Variants in MMP16 observed in about 807,000 individuals in gnomAD.
MMP16 encodes matrix metallopeptidase 16, also known as matrix metalloproteinase-16.
Under a neutral mutation model 67.8 loss-of-function variants are expected in MMP16, and 12 were observed. That is an observed-to-expected ratio of 0.18 (90% CI 0.11 to 0.29). The LOEUF (loss-of-function observed/expected upper bound fraction) is 0.29, where lower values mean the gene tolerates loss of function less well. Among genes scored for constraint, MMP16 ranks in the 10% least tolerant of loss-of-function variants. The pLI is 1.00. For missense variants in MMP16, 475 were observed against 765.7 expected, an observed-to-expected ratio of 0.62 and a Z score of 4.48; for synonymous variants, 249 against 255.9, an observed-to-expected ratio of 0.97 and a Z score of 0.26.
In MMP16 at chr8:88,102,998, C is replaced by T. The variant is rs186317310; in HGVS notation, c.1083+13509G>A. Among the ~76,000 whole-genome samples, 15 of 151,876 alleles carry T rather than the reference C, an allele frequency of 9.9e-5. 1 individual carries two copies. The highest frequency in any genetic ancestry group is 3.1e-4 in the African/African-American group (13 of 41,498). On this transcript the variant is annotated intron_variant, in intron 6 of 9. Coordinates refer to ENST00000286614, the MANE Select transcript of MMP16 (RefSeq NM_005941.5). ...CTATTCTGTTGGCCAGTTAACCTGG[C>T]CAGTGGAATAAAGCTTCAAGTTCCC... is the stretch of plus-strand genomic sequence containing the variant.
intron 1 of MMP16, among the ~76,000 whole-genome samples, chr8:88,295,489 C>T (rs1810997490): frequency 6.6e-6 from 1 of 152,100 alleles, no homozygotes; most frequent in African/African-American, 2.4e-5. Context: ...TTGGACACAG[C>T]CCAATAAAAT....
intron 6 of MMP16, among the ~76,000 whole-genome samples, chr8:88,112,041 T>C (rs1809346224): frequency 6.6e-6 from 1 of 151,776 alleles, no homozygotes; most frequent in East Asian, 1.9e-4. Flanking sequence ...TCTTCTAGAT[T>C]AACTGGAAAG....
chr8:88,215,750 T>C (rs769158816), intron 1 of MMP16, among the ~76,000 whole-genome samples: 1 of 152,184 alleles, frequency 6.6e-6, no homozygotes, highest in Non-Finnish European at 1.5e-5. Flanking sequence ...TAGTTTTTCT[T>C]AACTGCCCCT....
intron 3 of MMP16, 154 bp downstream of exon 3, chr8:88,186,322 C>T: frequency 2.2e-6 from 2 of 924,324 alleles, no homozygotes; most frequent in African/African-American, 1.7e-5. Context: ...GAACAATTTA[C>T]TCTCCTCTCA....
intron 1 of MMP16, among the ~76,000 whole-genome samples, chr8:88,213,112 T>C (rs1201347379): frequency 1.3e-5 from 2 of 152,158 alleles, no homozygotes; most frequent in African/African-American, 4.8e-5. Flanking sequence ...CAATGCATGC[T>C]AAATGGATTT....
intron 1 of MMP16, among the ~76,000 whole-genome samples, chr8:88,213,883 C>T (rs1809548963): frequency 6.6e-6 from 1 of 152,142 alleles, no homozygotes; most frequent in African/African-American, 2.4e-5. Flanking sequence ...TCCTTCCCAT[C>T]CCTCAAAAAC....
chr8:88,272,396 C>G (rs539211471), intron 1 of MMP16, among the ~76,000 whole-genome samples: 1 of 152,012 alleles, frequency 6.6e-6, no homozygotes, highest in Non-Finnish European at 1.5e-5. Context: ...TGTGCTATAA[C>G]AGAATCCAGT....
intron 1 of MMP16, among the ~76,000 whole-genome samples, chr8:88,206,339 A>T (rs1354039336): frequency 1.3e-5 from 2 of 151,408 alleles, no homozygotes; most frequent in Admixed American, 6.6e-5. Flanking sequence ...TGATGATGAT[A>T]AAAAAAAATA....
intron 1 of MMP16, among the ~76,000 whole-genome samples, chr8:88,236,104 A>G (rs1809936139): frequency 6.6e-6 from 1 of 152,208 alleles, no homozygotes; most frequent in Admixed American, 6.5e-5. Flanking sequence ...CAGGAGTTTC[A>G]TAAAGTGGAA....
chr8:88,286,470 A>G (rs1251733005), intron 1 of MMP16, among the ~76,000 whole-genome samples: 4 of 152,072 alleles, frequency 2.6e-5, no homozygotes, highest in Non-Finnish European at 5.9e-5. Flanking sequence ...CTCAAACTCC[A>G]TATGTTCCAA....
intron 3 of MMP16, among the ~76,000 whole-genome samples, chr8:88,178,194 G>A (rs1456851119): frequency 6.6e-6 from 1 of 152,128 alleles, no homozygotes; most frequent in Non-Finnish European, 1.5e-5. Context: ...CAAAAGGGAA[G>A]AGAAAACAGA....
intron 6 of MMP16, among the ~76,000 whole-genome samples, chr8:88,075,535 CCAAAAA>C (rs1808632924): frequency 6.6e-6 from 1 of 151,762 alleles, no homozygotes; most frequent in Non-Finnish European, 1.5e-5. Context: ...GCAAAAAAAC[CCAAAAA>C]CAAAAACAAA....
intron 7 of MMP16, among the ~76,000 whole-genome samples, chr8:88,059,108 T>A (rs980816364): frequency 6.6e-6 from 1 of 152,066 alleles, no homozygotes; most frequent in Admixed American, 6.6e-5. Context: ...CATAAAGAAG[T>A]CATGTAGGCA....
chr8:88,171,519 A>C (rs1485402125), intron 3 of MMP16, among the ~76,000 whole-genome samples: 4 of 152,202 alleles, frequency 2.6e-5, no homozygotes, highest in African/African-American at 9.7e-5. Flanking sequence ...GAATAAATAG[A>C]AACTGACACT....
At chr8:88,134,571 A>T (rs145795369) in intron 4 of MMP16, among the ~76,000 whole-genome samples, 3 of 151,592 alleles carry the variant, frequency 2.0e-5, no homozygotes, top group African/African-American at 4.8e-5. Flanking sequence ...TCAAAGATTT[A>T]TGAATGTCTA....
chr8:88,216,967 T>G (rs1406754050), intron 1 of MMP16, among the ~76,000 whole-genome samples: 2 of 152,102 alleles, frequency 1.3e-5, no homozygotes, highest in Non-Finnish European at 2.9e-5. Context: ...ATATGTGGAC[T>G]CATGGCTTGC....
At chr8:88,226,447 A>C (rs1477342463) in intron 1 of MMP16, among the ~76,000 whole-genome samples, 1 of 152,092 alleles carries the variant, frequency 6.6e-6, no homozygotes, top group East Asian at 1.9e-4. Flanking sequence ...AATTCCCAAC[A>C]AATAAATCTT....
intron 7 of MMP16, among the ~76,000 whole-genome samples, chr8:88,064,550 G>C (rs3780075): frequency 3.3e-4 from 50 of 151,916 alleles, no homozygotes; most frequent in African/African-American, 1.2e-3. Flanking sequence ...CTTAATGCTC[G>C]CTTGGAATTC....
intron 1 of MMP16, among the ~76,000 whole-genome samples, chr8:88,310,280 C>T (rs1811275330): frequency 6.6e-6 from 1 of 152,000 alleles, no homozygotes; most frequent in African/African-American, 2.4e-5. Flanking sequence ...GCTATTTATA[C>T]CAAAAATACT....
Sources: gnomAD v4.1 joint callset for allele counts (sites outside exome capture counted in the v4.1 genomes callset) on GRCh38, gnomAD v4.1.1 for gene constraint, MANE v1.5 for transcripts, NCBI Gene and HGNC (gene_info 2026-07-23, HGNC 2026-07-21) for gene names.